TNXB: variants seen among roughly 807,000 people sequenced by gnomAD.
The protein encoded by TNXB is tenascin XB, also known as tenascin-X.
TNXB carries 183 observed loss-of-function variants against 340.5 expected under a neutral mutation model. The observed-to-expected ratio is 0.54, with a 90% CI of 0.48 to 0.61. The LOEUF is 0.61. TNXB is among the 20% of genes least tolerant of loss of function. TNXB has a pLI of 0.00. For missense variants in TNXB, 4,613 were observed against 5,446.4 expected, an observed-to-expected ratio of 0.85 and a Z score of 4.82; for synonymous variants, 2,121 against 2,314.5, an observed-to-expected ratio of 0.92 and a Z score of 2.40.
chr6:32,044,011 G>A lies in TNXB; in HGVS notation c.11382C>T (p.Asp3794=), dbSNP rs751146752. 14 of 1,591,586 alleles carry A rather than the reference G, an allele frequency of 8.8e-6. No individual in the cohort carries two copies. Among genetic ancestry groups the A allele is most frequent in the African/African-American group, 2.8e-5 (2 of 71,312 alleles). Residue 3794 remains aspartate (D), a synonymous_variant, in exon 34 of 44, where the codon GAC becomes GAT. Transcript: ENST00000644971. The part of the protein sequence containing the change: ...DSFKVSYQLA[D]GGEPQSVQVD... ...AGCACATGGCAAAGGCACCACCTCC[G>A]TCCGCCAGCTGGTAGGAGACTTTGA...
At position 32,049,929 on chromosome 6, in the gene TNXB, A is replaced by C. The variant is rs1045488205; in HGVS notation, c.9439+69T>G. The C allele has an allele frequency of 4.4e-5, 70 of 1,603,782 alleles. No homozygotes were observed. Among genetic ancestry groups the C allele is most frequent in the Non-Finnish European group, 5.7e-5 (67 of 1,172,608 alleles). Reference sequence around the variant, plus strand: ...CCAGACCCCTGTCCCATTCCCCACCAGTCATCACCAAAGAGCAAGAGGTGG... The same window carrying C: ...CCAGACCCCTGTCCCATTCCCCACCCGTCATCACCAAAGAGCAAGAGGTGG... On this transcript the variant is annotated intron_variant, in intron 27 of 43. Coordinates refer to ENST00000644971, the MANE Select transcript of TNXB (RefSeq NM_001365276.2). The surrounding 1 kb of genome is among the most constrained non-coding windows in gnomAD (Gnocchi z 4.5).
In TNXB at chr6:32,074,711, G is replaced by A. The variant is rs1260150046; in HGVS notation, c.4376-759C>T. Among the ~76,000 whole-genome samples the A allele has an allele frequency of 1.3e-5, 2 of 151,756 alleles. No homozygotes were observed. Among genetic ancestry groups the A allele is most frequent in the African/African-American group, 2.4e-5 (1 of 41,278 alleles). On this transcript the variant is annotated intron_variant, in intron 11 of 43. Coordinates refer to ENST00000644971, the MANE Select transcript of TNXB (RefSeq NM_001365276.2). The surrounding 1 kb of genome is among the most constrained non-coding windows in gnomAD (Gnocchi z 5.5). ...CTTTTTTTTTTTGAGACGGAGTTTC[G>A]CTGTTGTTGCTCAGGCTGGTGTGCG...
Position 32,070,273 on chromosome 6 carries a change from T to G in TNXB, c.5132A>C (p.Lys1711Thr). The change falls in exon 14 of 44, where the codon AAA becomes ACA. Residue 1711 changes from lysine (K) to threonine (T), a missense_variant. Around this residue, in one of 7 missense-constraint regions of TNXB, gnomAD observed 4,327 missense variants for 4,859.4 expected, o/e 0.89. Coordinates refer to ENST00000644971, the MANE Select transcript of TNXB (RefSeq NM_001365276.2). The surrounding 1 kb of genome is among the most constrained non-coding windows in gnomAD (Gnocchi z 6.0). ...FDSFVVQFKD[K>T]DGPQVVPVEG... Reference sequence around the variant, plus strand: ...CACGGGCACCACCTGGGGCCCGTCTTTGTCCTTGAACTGGACCACAAAAGA... The same window carrying G: ...CACGGGCACCACCTGGGGCCCGTCTGTGTCCTTGAACTGGACCACAAAAGA... The G allele has an allele frequency of 6.2e-7, 1 of 1,612,472 alleles. No homozygotes were observed. The highest frequency in any genetic ancestry group is 8.5e-7 in the Non-Finnish European group (1 of 1,179,336).
rs1776846974 is a variant in TNXB at position 32,046,079 on chromosome 6, G to A, written c.10606+96C>T. On this transcript the variant is annotated intron_variant, in intron 31 of 43. Transcript: ENST00000644971. This position sits in a 1 kb window ranked among gnomAD's most constrained non-coding sequence, Gnocchi z 6.9. ...GGGACAGGCCAGGGCGCCCCACTCC[G>A]GCCTGCCCACTCCTGCAGTCATCTT... 18 of 1,501,346 alleles carry A rather than the reference G, an allele frequency of 1.2e-5. No homozygotes were observed. The highest frequency in any genetic ancestry group is 1.4e-5 in the African/African-American group (1 of 72,366). The allele number at this position is 1,501,346 out of a possible 1,614,324, so 93.0% of individuals were successfully genotyped here.
At position 32,052,680 on chromosome 6, in the gene TNXB, C is replaced by A; in HGVS notation, c.9105G>T (p.Val3035=). ...EGQRVGPVSA[V]GVTAPKDEAE... is the part of the protein sequence containing the mutation. ...CTCACACTTACTCACCTGTCACACCCACAGCGGACACTGGGCCCACGCGCT... is the reference window on the plus strand; with the variant it reads ...CTCACACTTACTCACCTGTCACACCAACAGCGGACACTGGGCCCACGCGCT... Residue 3035 remains valine (V), a synonymous_variant, in exon 26 of 44, where the codon GTG becomes GTT. Coordinates refer to ENST00000644971, the MANE Select transcript of TNXB (RefSeq NM_001365276.2). The surrounding 1 kb of genome is among the most constrained non-coding windows in gnomAD (Gnocchi z 4.7). 6.2e-7 allele frequency: 1 copy of A among 1,613,170 alleles called. No homozygotes were observed. Among genetic ancestry groups the A allele is most frequent in the Non-Finnish European group, 8.5e-7 (1 of 1,179,466 alleles).
In TNXB at chr6:32,108,260, T is replaced by C. The variant is rs1781073722; in HGVS notation, c.-9+921A>G. 6.6e-6 allele frequency among the ~76,000 whole-genome samples: 1 copy of C among 152,152 alleles called. No individual in the cohort carries two copies. Among genetic ancestry groups the C allele is most frequent in the African/African-American group, 2.4e-5 (1 of 41,420 alleles). ...GTTGCTTCCCAGTAGTTCCTCTCAG[T>C]TCCACTTCCAGTTGTTTCTATGCCA... is the stretch of plus-strand genomic sequence containing the variant. On this transcript the variant is annotated intron_variant, in intron 1 of 43. Transcript: ENST00000644971. This position sits in a 1 kb window ranked among gnomAD's most constrained non-coding sequence, Gnocchi z 4.8.
chr6:32,084,731 CA>C lies in TNXB; in HGVS notation c.3149-23del. 6.5e-7 allele frequency: 1 copy of C among 1,534,476 alleles called. No individual in the cohort carries two copies. ...TTGTCTGGAGTTTGAGAGGCAAAAG[CA>C]AAGCATAGTGGACTCAACCGTTCTC... On this transcript the variant is annotated intron_variant, in intron 7 of 43. Coordinates refer to ENST00000644971, the MANE Select transcript of TNXB (RefSeq NM_001365276.2). The surrounding 1 kb of genome is among the most constrained non-coding windows in gnomAD (Gnocchi z 5.5).
Position 32,053,637 on chromosome 6 carries a change from C to A in TNXB, c.8542G>T (p.Gly2848Trp), listed in dbSNP as rs61745355. The change falls in exon 25 of 44, where the codon GGG becomes TGG. Residue 2848 changes from glycine to tryptophan, a missense_variant. By Grantham distance (184) the Gly-to-Trp change is radical. Transcript: ENST00000644971. The part of the protein sequence containing the change: ...TPEPPNKPRL[G>W]ELTVTDATPD... ...GTGGCATCTGTCACGGTCAGCTCCC[C>A]GAGGCGAGGCTTGTTGGGGGGCTCA... The A allele has an allele frequency of 1.1e-5, 18 of 1,613,264 alleles. No individual in the cohort carries two copies. Among genetic ancestry groups the A allele is most frequent in the Non-Finnish European group, 1.4e-5 (17 of 1,179,826 alleles).
Position 32,108,729 on chromosome 6 carries a change from G to C in TNXB, c.-9+452C>G, listed in dbSNP as rs1781099628. Among the ~76,000 whole-genome samples, 1 of 152,146 alleles carries C rather than the reference G, an allele frequency of 6.6e-6. No homozygotes were observed. The highest frequency in any genetic ancestry group is 2.4e-5 in the African/African-American group (1 of 41,428). On this transcript the variant is annotated intron_variant, in intron 1 of 43. Transcript: ENST00000644971. The surrounding 1 kb of genome is among the most constrained non-coding windows in gnomAD (Gnocchi z 4.8). ...CTGGAGCCCCCAGAGCCTGGGCTCA[G>C]CTGCTCTAGCCCGACATTTGGGATT...
At position 32,096,265 on chromosome 6, in the gene TNXB, C is replaced by G; in HGVS notation, c.1588G>C (p.Gly530Arg). The G allele has an allele frequency of 6.4e-7, 1 of 1,563,242 alleles. No homozygotes were observed. Among genetic ancestry groups the G allele is most frequent in the Non-Finnish European group, 8.6e-7 (1 of 1,158,558 alleles). Reference sequence around the variant, plus strand: ...CAAAGGCCGTGCCCACGGCAGTCCCCGGGACAGCGACGGCTCCCACAGTCC... The same window carrying G: ...CAAAGGCCGTGCCCACGGCAGTCCCGGGGACAGCGACGGCTCCCACAGTCC... ...GEDCGSRRCP[G>R]DCRGHGLCED... The change falls in exon 3 of 44, where the codon GGG (glycine) becomes CGG (arginine). Residue 530 changes from glycine to arginine, a missense_variant. Physicochemically the swap from Gly to Arg is moderately radical, Grantham distance 125. Transcript: ENST00000644971.
rs771591938 is a variant in TNXB, at chr6:32,084,668, G to A, written c.3190C>T (p.Arg1064Cys). The A allele has an allele frequency of 1.3e-5, 21 of 1,592,108 alleles. No homozygotes were observed. The highest frequency in any genetic ancestry group is 4.5e-5 in the South Asian group (4 of 88,816). The stretch of plus-strand genomic sequence containing the variant: ...TCTGTCACCGTCAGCTCACCCAGGC[G>A]TGGTGGGCCTGAGGACTTCCCAGGC... ...EKPGKSSGPP[R>C]LGELTVTDRT... The change falls in exon 8 of 44, where the codon CGC becomes TGC. Residue 1064 changes from arginine to cysteine, a missense_variant. This residue lies in a region of TNXB where 4,327 missense variants were observed against 4,859.4 expected (regional missense o/e 0.89). Transcript: ENST00000644971. The surrounding 1 kb of genome is among the most constrained non-coding windows in gnomAD (Gnocchi z 5.5).
In TNXB at chr6:32,069,487, G is replaced by A; in HGVS notation, c.5587+66C>T. 6.8e-7 allele frequency: 1 copy of A among 1,477,882 alleles called. No individual in the cohort carries two copies. Among genetic ancestry groups the A allele is most frequent in the Non-Finnish European group, 9.0e-7 (1 of 1,107,044 alleles). 91.5% of individuals were successfully genotyped at this position (1,477,882 alleles called of 1,614,324 possible). A position where few individuals can be genotyped will look rare whatever the true frequency, so the allele number is the denominator to read the frequency against. ...AAAATGGGAAGCTCAGAGATCTTAT[G>A]GCTCAGTCAGACCAGGAGAGCCAGG... is the stretch of plus-strand genomic sequence containing the variant. On this transcript the variant is annotated intron_variant, in intron 15 of 43. Coordinates refer to ENST00000644971, the MANE Select transcript of TNXB (RefSeq NM_001365276.2). The surrounding 1 kb of genome is among the most constrained non-coding windows in gnomAD (Gnocchi z 6.2).
At chr6:32,053,244 T>C in intron 25 of TNXB, 144 bp downstream of exon 25, 1 of 1,345,078 alleles carries the variant, frequency 7.4e-7, no homozygotes, top group East Asian at 2.5e-5. Context: ...GGAAGATCTG[T>C]CAGTCCTCAG....
rs1179450052 is a variant in TNXB, at chr6:32,046,215, C to T, written c.10566G>A (p.Gly3522=). The T allele has an allele frequency of 2.5e-6, 4 of 1,598,170 alleles. No individual in the cohort carries two copies. The African/African-American group carries it at 4.0e-5, about 16-fold the overall frequency. ...CAGAGACCGGGCCCAGGCGCTTTCC[C>T]CCAAGGAGCCCGTAGAGCAGAAACT... ...KYKFLLYGLL[G]GKRLGPVSAL... is the part of the protein sequence containing the mutation. Residue 3522 remains glycine (G), a synonymous_variant, in exon 31 of 44, where the codon GGG becomes GGA. Transcript: ENST00000644971. The surrounding 1 kb of genome is among the most constrained non-coding windows in gnomAD (Gnocchi z 6.9).
chr6:32,057,323 C>A (rs909925914), intron 22 of TNXB, among the ~76,000 whole-genome samples: 1 of 152,208 alleles, frequency 6.6e-6, no homozygotes, highest in Non-Finnish European at 1.5e-5. Context: ...CAGCTCCTCA[C>A]CAGCTGCCAG....
At position 32,070,146 on chromosome 6, in the gene TNXB, G is replaced by A. The variant is rs1040094871; in HGVS notation, c.5259C>T (p.Leu1753=). 1.3e-6 allele frequency: 2 copies of A among 1,584,056 alleles called. No homozygotes were observed. Among genetic ancestry groups the A allele is most frequent in the Non-Finnish European group, 1.7e-6 (2 of 1,161,670 alleles). The change falls in exon 14 of 44, where the codon CTC becomes CTT. Residue 1753 remains leucine, a synonymous_variant. Transcript: ENST00000644971. The surrounding 1 kb of genome is among the most constrained non-coding windows in gnomAD (Gnocchi z 6.0). Reference sequence around the variant, plus strand: ...CCTCACCCGTGGTGCCGTCGGCAGTGAGAGGGCCATGGCGCTTCTTGCCCA... The same window carrying A: ...CCTCACCCGTGGTGCCGTCGGCAGTAAGAGGGCCATGGCGCTTCTTGCCCA... The part of the protein sequence containing the change: ...GLLGKKRHGP[L]TADGTTEARS...
In TNXB at chr6:32,096,901, G is replaced by A. The variant is rs780763293; in HGVS notation, c.952C>T (p.Arg318Trp). The change falls in exon 3 of 44, where the codon CGG becomes TGG. Residue 318 changes from arginine to tryptophan, a missense_variant. Arg to Trp is a moderately radical substitution (Grantham distance 101). This residue lies in a region of TNXB where 4,327 missense variants were observed against 4,859.4 expected (regional missense o/e 0.89). Transcript: ENST00000644971. ...VRSCPRGCSQ[R>W]GRCKDGRCVC... ...CAGCGCCCGTCCTTGCAGCGTCCCC[G>A]CTGGCTGCAGCCCCGAGGGCAGCTC... 2.3e-5 allele frequency: 37 copies of A among 1,601,002 alleles called. No individual in the cohort carries two copies. The highest frequency in any genetic ancestry group is 3.0e-5 in the Non-Finnish European group (35 of 1,175,236).
At chr6:32,077,527 C>A (rs1360644957) in intron 11 of TNXB, among the ~76,000 whole-genome samples, 3 of 152,224 alleles carry the variant, frequency 2.0e-5, no homozygotes, top group African/African-American at 7.2e-5. Flanking sequence ...AAAAGAGATT[C>A]CCCTCACTGT....
Position 32,097,791 on chromosome 6 carries a change from C to T in TNXB, c.403+5G>A. On this transcript the variant is annotated splice_donor_5th_base_variant and intron_variant, in intron 2 of 43. Coordinates refer to ENST00000644971, the MANE Select transcript of TNXB (RefSeq NM_001365276.2). This position sits in a 1 kb window ranked among gnomAD's most constrained non-coding sequence, Gnocchi z 5.9. Reference sequence around the variant, plus strand: ...CTCCACCCTCTTCTGTGATCACCTGCTCACCTGTGCCAGCTTGGGCAGAGG... The same window carrying T: ...CTCCACCCTCTTCTGTGATCACCTGTTCACCTGTGCCAGCTTGGGCAGAGG... 2.7e-6 allele frequency: 4 copies of T among 1,500,984 alleles called. No individual in the cohort carries two copies. The highest frequency in any genetic ancestry group is 3.6e-6 in the Non-Finnish European group (4 of 1,124,164). 93.0% of individuals were successfully genotyped at this position (1,500,984 alleles called of 1,614,324 possible).
Sources: allele counts gnomAD v4.1 joint callset (sites outside exome capture counted in the v4.1 genomes callset), GRCh38; gene constraint gnomAD v4.1.1; regional missense constraint gnomAD v4.1.1; non-coding constraint Gnocchi (gnomAD v3.1); transcripts MANE v1.5; gene names NCBI Gene and HGNC (gene_info 2026-07-23, HGNC 2026-07-21).